COL18A1: variants seen among roughly 807,000 people sequenced by gnomAD.
The protein encoded by COL18A1 is collagen type XVIII alpha 1 chain.
COL18A1 carries 133 observed loss-of-function variants against 168.0 expected under a neutral mutation model. The ratio of observed to expected loss-of-function variants is 0.79; its 90% CI spans 0.69 to 0.91. The LOEUF is 0.91. Among genes scored for constraint, COL18A1 ranks in the 40% least tolerant of loss-of-function variants. COL18A1 has a pLI of 0.00. For missense variants in COL18A1, 2,126 were observed against 1,925.4 expected, an observed-to-expected ratio of 1.10 and a Z score of -1.95; for synonymous variants, 949 against 809.0, an observed-to-expected ratio of 1.17 and a Z score of -2.94.
At chr21:45,438,718 G>C (rs147438733) in intron 2 of COL18A1, among the ~76,000 whole-genome samples, 3,489 of 152,336 alleles carry the variant, frequency 0.023, 56 homozygotes, top group Middle Eastern at 0.061. Flanking sequence ...GCCTCTGCAG[G>C]GTGCCAGGGC....
rs2035175836 is a variant in COL18A1 at position 45,423,362 on chromosome 21, CCA to C, written c.106+17892_106+17893del. On this transcript the variant is annotated intron_variant, in intron 2 of 41. Transcript: ENST00000651438. This position sits in a 1 kb window ranked among gnomAD's most constrained non-coding sequence, Gnocchi z 4.0. ...GTGCTGGGGTACATTCCCCGAGCTT[CCA>C]CAGTTTCCCTTTCCTTGCTGCTGTA... Among the ~76,000 whole-genome samples the C allele has an allele frequency of 6.6e-6, 1 of 152,234 alleles. No homozygotes were observed. The highest frequency in any genetic ancestry group is 6.5e-5 in the Admixed American group (1 of 15,290).
In COL18A1 at chr21:45,489,539, G is replaced by A. The variant is rs1234954850; in HGVS notation, c.1959+18G>A. On this transcript the variant is annotated intron_variant, in intron 19 of 41. Transcript: ENST00000651438. ...GGGCGAAGGTAAGCGCTGTGCCCGG[G>A]TTCAGGGACGTGGCCAGGCAGAGGC... The A allele has an allele frequency of 2.6e-6, 4 of 1,565,100 alleles. No homozygotes were observed. The highest frequency in any genetic ancestry group is 1.7e-6 in the Non-Finnish European group (2 of 1,148,870).
At chr21:45,419,450 G>A (rs183889059) in intron 2 of COL18A1, among the ~76,000 whole-genome samples, 64 of 152,376 alleles carry the variant, frequency 4.2e-4, no homozygotes, top group African/African-American at 1.5e-3. Flanking sequence ...TGGCTCCAAA[G>A]GCTTGGGTCT....
Position 45,468,436 on chromosome 21 carries a change from G to A in COL18A1, c.301G>A (p.Ala101Thr), listed in dbSNP as rs1453003960. The A allele has an allele frequency of 6.2e-7, 1 of 1,614,102 alleles. No individual in the cohort carries two copies. The highest frequency in any genetic ancestry group is 1.7e-5 in the Admixed American group (1 of 60,034). ...CTCACTGCTGTTCCACATCCGGCCA[G>A]CCACAGAGGGCCCAGGGGTGCTGTT... is the stretch of plus-strand genomic sequence containing the variant. ...DFSLLFHIRP[A>T]TEGPGVLFAI... Residue 101 changes from alanine (A) to threonine (T), a missense_variant, in exon 3 of 42, where the codon GCC (alanine) becomes ACC (threonine). By Grantham distance (58) the Ala-to-Thr change is moderately conservative. Transcript: ENST00000651438.
At chr21:45,424,657 A>G (rs1217190554) in intron 2 of COL18A1, 1 of 152,192 alleles carries the variant, frequency 6.6e-6, no homozygotes, top group African/African-American at 2.4e-5. Context: ...CTGACCCTGG[A>G]CCAGAGCGCT....
intron 9 of COL18A1, among the ~76,000 whole-genome samples, chr21:45,479,409 GCACACATCACACGTGGACACATGCA>G (rs1383758424): frequency 5.0e-4 from 75 of 150,212 alleles, no homozygotes; most frequent in African/African-American, 1.7e-3. Context: ...ACACGCACGT[GCACACATCACACGTGGACACATGCA>G]CACACACCAC....
At chr21:45,456,906 C>T (rs2034849230) in intron 2 of COL18A1, 1 of 1,407,488 alleles carries the variant, frequency 7.1e-7, no homozygotes, top group East Asian at 2.8e-5. Flanking sequence ...CCGATCTCCC[C>T]ACCCTTTCCT....
intron 14 of COL18A1, 90 bp from the exon 15 acceptor site, chr21:45,482,704 CG>C (rs1260792160): frequency 1.3e-6 from 2 of 1,592,024 alleles, no homozygotes; most frequent in Admixed American, 3.3e-5. Flanking sequence ...GGACCCGGGT[CG>C]GGGCACAGTT....
rs889604385 is a variant in COL18A1, at chr21:45,473,839, G to A, written c.652-56G>A. 2 of 1,408,712 alleles carry A rather than the reference G, an allele frequency of 1.4e-6. No individual in the cohort carries two copies. The highest frequency in any genetic ancestry group is 1.4e-5 in the African/African-American group (1 of 70,272). The allele number at this position is 1,408,712 out of a possible 1,614,324, so 87.3% of individuals were successfully genotyped here. ...GAAATCTGGAGCTCAAGCAGCACCGGGGTTGCCACTGCCACCTCAGGACCG... is the reference window on the plus strand; with the variant it reads ...GAAATCTGGAGCTCAAGCAGCACCGAGGTTGCCACTGCCACCTCAGGACCG... On this transcript the variant is annotated intron_variant, in intron 3 of 41. Coordinates refer to ENST00000651438, the MANE Select transcript of COL18A1 (RefSeq NM_001379500.1). This position sits in a 1 kb window ranked among gnomAD's most constrained non-coding sequence, Gnocchi z 4.0.
chr21:45,501,670 TCC>T (rs1441875180), intron 32 of COL18A1, among the ~76,000 whole-genome samples: 9 of 150,624 alleles, frequency 6.0e-5, no homozygotes, highest in Non-Finnish European at 1.2e-4. Flanking sequence ...GCCGGTCACC[TCC>T]CTCTGCAGAA....
At chr21:45,451,487 T>C (rs971118248) in intron 2 of COL18A1, among the ~76,000 whole-genome samples, 1 of 152,120 alleles carries the variant, frequency 6.6e-6, no homozygotes, top group African/African-American at 2.4e-5. Context: ...GTGCCGCCTT[T>C]CCGGGATCCC....
In COL18A1 at chr21:45,455,631, A is replaced by G. The variant is rs1334413714; in HGVS notation, c.107-12611A>G. ...CTGAACCTGAACTGGCTTTGGTTCA[A>G]TAATGAGGACACCAGCCATGCAGCT... On this transcript the variant is annotated intron_variant, in intron 2 of 41. Coordinates refer to ENST00000651438, the MANE Select transcript of COL18A1 (RefSeq NM_001379500.1). 1.2e-6 allele frequency: 2 copies of G among 1,613,984 alleles called. No individual in the cohort carries two copies. The highest frequency in any genetic ancestry group is 3.3e-5 in the Admixed American group (2 of 60,022).
Position 45,478,724 on chromosome 21 carries a change from G to A in COL18A1, c.1248+371G>A, listed in dbSNP as rs145762622. On this transcript the variant is annotated intron_variant, in intron 9 of 41. Coordinates refer to ENST00000651438, the MANE Select transcript of COL18A1 (RefSeq NM_001379500.1). Reference sequence around the variant, plus strand: ...GGCGACCTGAGACTCTGTGAAGTCCGAGCTTCGTCGCAAAACACGCAGTTC... The same window carrying A: ...GGCGACCTGAGACTCTGTGAAGTCCAAGCTTCGTCGCAAAACACGCAGTTC... Among the ~76,000 whole-genome samples the A allele has an allele frequency of 1.9e-3, 285 of 152,188 alleles. 2 individuals are homozygous for A. The highest frequency in any genetic ancestry group is 6.5e-3 in the African/African-American group (268 of 41,508).
At chr21:45,467,928 C>A (rs934175901) in intron 2 of COL18A1, among the ~76,000 whole-genome samples, 1 of 152,238 alleles carries the variant, frequency 6.6e-6, no homozygotes, top group Non-Finnish European at 1.5e-5. Flanking sequence ...GTCTGCTGTG[C>A]CCATCCCTGC....
intron 2 of COL18A1, chr21:45,420,715 G>T (rs1220840063): frequency 6.6e-6 from 1 of 152,502 alleles, no homozygotes; most frequent in African/African-American, 2.4e-5. Context: ...AGAACCTTCT[G>T]GGGCTGGAGG....
In COL18A1 at chr21:45,425,374, C is replaced by T. The variant is rs558373297; in HGVS notation, c.106+19901C>T. ...CCCAGACTGGGCTCCCCTGGAGGAC[C>T]CTGGTGCTGACACAGAGTCAGCGGG... is the stretch of plus-strand genomic sequence containing the variant. On this transcript the variant is annotated intron_variant, in intron 2 of 41. Coordinates refer to ENST00000651438, the MANE Select transcript of COL18A1 (RefSeq NM_001379500.1). This position sits in a 1 kb window ranked among gnomAD's most constrained non-coding sequence, Gnocchi z 4.1. 6.6e-6 allele frequency among the ~76,000 whole-genome samples: 1 copy of T among 152,328 alleles called. No homozygotes were observed. The highest frequency in any genetic ancestry group is 1.9e-4 in the East Asian group (1 of 5,170).
rs185215745 is a variant in COL18A1 at position 45,456,196 on chromosome 21, C to T, written c.107-12046C>T. The T allele has an allele frequency of 3.1e-5, 49 of 1,602,392 alleles. No individual in the cohort carries two copies. The African/African-American group carries it at 6.3e-4, about 21-fold the overall frequency. ...CTTCAGGTAGAGCTTCTCTCTCCTCCTTGCTGGGCGGGGCCCCTCCCTGGG... is the reference window on the plus strand; with the variant it reads ...CTTCAGGTAGAGCTTCTCTCTCCTCTTTGCTGGGCGGGGCCCCTCCCTGGG... On this transcript the variant is annotated intron_variant, in intron 2 of 41. Coordinates refer to ENST00000651438, the MANE Select transcript of COL18A1 (RefSeq NM_001379500.1).
chr21:45,428,591 C>A (rs1482357946), intron 2 of COL18A1, among the ~76,000 whole-genome samples: 2 of 152,238 alleles, frequency 1.3e-5, no homozygotes, highest in African/African-American at 2.4e-5. Flanking sequence ...AACATTCACA[C>A]GCCGGAGAGA....
intron 9 of COL18A1, among the ~76,000 whole-genome samples, chr21:45,479,566 T>C (rs2035818398): frequency 8.7e-6 from 1 of 114,362 alleles, no homozygotes; most frequent in Non-Finnish European, 1.8e-5. Flanking sequence ...ATCACACATG[T>C]ACACACCACA....
Sources: gnomAD v4.1 joint callset for allele counts (sites outside exome capture counted in the v4.1 genomes callset) on GRCh38, gnomAD v4.1.1 for gene constraint, Gnocchi (gnomAD v3.1) non-coding constraint, MANE v1.5 for transcripts, NCBI Gene and HGNC (gene_info 2026-07-23, HGNC 2026-07-21) for gene names.